Variants in PDE7B observed in about 807,000 individuals in gnomAD.
The protein encoded by PDE7B is phosphodiesterase 7B.
A neutral mutation model predicts 56.2 loss-of-function variants in PDE7B; 29 were observed. That is an observed-to-expected ratio of 0.52 (90% CI 0.38 to 0.70). The LOEUF (loss-of-function observed/expected upper bound fraction) is 0.70. Ranked by LOEUF, PDE7B falls within the 30% of genes least tolerant of loss-of-function variation. The probability of loss-of-function intolerance (pLI) is 0.00; values close to 1 mark genes in which losing one functional copy is unlikely to be tolerated. For synonymous variants in PDE7B, 197 were observed against 196.9 expected (o/e 1.00, Z 0.00); for missense variants, 490 against 565.0 (o/e 0.87, Z 1.35).
At chr6:136,098,509 C>T (rs1011301390) in intron 2 of PDE7B, among the ~76,000 whole-genome samples, 1 of 152,098 alleles carries the variant, frequency 6.6e-6, no homozygotes, top group African/African-American at 2.4e-5. Flanking sequence ...TCTTTCAATT[C>T]TAATAAGAAC....
At chr6:135,980,145 C>G (rs1375354998) in intron 2 of PDE7B, among the ~76,000 whole-genome samples, 1 of 152,128 alleles carries the variant, frequency 6.6e-6, no homozygotes, top group African/African-American at 2.4e-5. Flanking sequence ...TGCATATCTA[C>G]AACTATCTGA....
intron 12 of PDE7B, among the ~76,000 whole-genome samples, chr6:136,191,013 C>CTTTTTTTTTTTTTTTGTTTTTTTTTTTTT (rs1779213747): frequency 1.0e-5 from 1 of 99,350 alleles, no homozygotes; most frequent in African/African-American, 9.0e-5. Flanking sequence ...CCAGCATACA[C>CTTTTTTTTTTTTTTTGTTTTTTTTTTTTT]TTTTTTTTTT....
At chr6:136,186,236 C>T (rs940203320) in intron 11 of PDE7B, among the ~76,000 whole-genome samples, 7 of 151,962 alleles carry the variant, frequency 4.6e-5, no homozygotes, top group Admixed American at 2.0e-4. Flanking sequence ...GACAACATAG[C>T]GAGACCTCAT....
intron 3 of PDE7B, among the ~76,000 whole-genome samples, chr6:136,119,349 G>A (rs929350666): frequency 6.6e-6 from 1 of 151,888 alleles, no homozygotes; most frequent in Non-Finnish European, 1.5e-5. Context: ...TTTTCCTACT[G>A]GAAGCATGTA....
chr6:136,098,246 G>A (rs2128216862), intron 2 of PDE7B, among the ~76,000 whole-genome samples: 1 of 151,242 alleles, frequency 6.6e-6, no homozygotes, highest in East Asian at 2.0e-4. Context: ...AGAAGAGAGA[G>A]TAGACTACAA....
intron 1 of PDE7B, among the ~76,000 whole-genome samples, chr6:135,907,006 A>T (rs559709927): frequency 1.2e-4 from 18 of 152,054 alleles, no homozygotes; most frequent in African/African-American, 3.9e-4. Flanking sequence ...CAGCTCATGA[A>T]AATCTCTGAA....
intron 2 of PDE7B, chr6:136,034,066 C>G (rs1776286551): frequency 6.6e-6 from 1 of 152,022 alleles, no homozygotes; most frequent in South Asian, 2.1e-4. Context: ...TTTTATTAAA[C>G]TTTTTGTTTT....
chr6:136,108,752 A>T lies in PDE7B; in HGVS notation c.104A>T (p.Gln35Leu). 6.2e-7 allele frequency: 1 copy of T among 1,611,140 alleles called. No individual in the cohort carries two copies. The highest frequency in any genetic ancestry group is 8.5e-7 in the Non-Finnish European group (1 of 1,177,300). The stretch of plus-strand genomic sequence containing the variant: ...CTAGGAGATATACGACTAAGGGGTC[A>T]GACGGGGGTTCGTGCTGAACGCCGT... ...CMLGDIRLRG[Q>L]TGVRAERRGS... is the part of the protein sequence containing the mutation. The change falls in exon 3 of 13, where the codon CAG becomes CTG. Residue 35 changes from glutamine to leucine, a missense_variant. Gln to Leu is a moderately radical substitution (Grantham distance 113). Transcript: ENST00000308191.
chr6:136,158,192 G>A (rs746019669), intron 8 of PDE7B, among the ~76,000 whole-genome samples: 3 of 152,156 alleles, frequency 2.0e-5, no homozygotes, highest in Non-Finnish European at 2.9e-5. Context: ...CGTTTGCTGA[G>A]ACACAAATGG....
chr6:135,885,778 A>G lies in PDE7B; in HGVS notation c.21+33759A>G, dbSNP rs548927668. On this transcript the variant is annotated intron_variant, in intron 1 of 12. Coordinates refer to ENST00000308191, the MANE Select transcript of PDE7B (RefSeq NM_018945.4). ...ATGTGATGACTAGAAGAAAGAACCTACATACCTTGCACATTGTGATAGCAA... is the reference window on the plus strand; with the variant it reads ...ATGTGATGACTAGAAGAAAGAACCTGCATACCTTGCACATTGTGATAGCAA... Among the ~76,000 whole-genome samples the G allele has an allele frequency of 1.3e-5, 2 of 152,334 alleles. 1 individual carries two copies. Among genetic ancestry groups the G allele is most frequent in the South Asian group, 4.1e-4 (2 of 4,828 alleles).
At chr6:135,861,449 G>A (rs972087436) in intron 1 of PDE7B, among the ~76,000 whole-genome samples, 5 of 151,006 alleles carry the variant, frequency 3.3e-5, no homozygotes, top group African/African-American at 4.8e-5. Context: ...TATTGGCCAT[G>A]TAAATATCTT....
intron 2 of PDE7B, among the ~76,000 whole-genome samples, chr6:136,016,336 A>G (rs1013636680): frequency 1.6e-4 from 24 of 152,200 alleles, no homozygotes; most frequent in African/African-American, 5.6e-4. Flanking sequence ...TGGCATTTGA[A>G]TATTGTGTGT....
chr6:136,174,631 G>T (rs988941273), intron 9 of PDE7B, among the ~76,000 whole-genome samples: 3 of 152,126 alleles, frequency 2.0e-5, no homozygotes, highest in Non-Finnish European at 4.4e-5. Context: ...TACATAGATT[G>T]CTGTACCCTT....
intron 2 of PDE7B, among the ~76,000 whole-genome samples, chr6:136,021,139 C>T (rs1399107525): frequency 1.3e-5 from 2 of 152,134 alleles, no homozygotes; most frequent in African/African-American, 4.8e-5. Flanking sequence ...AATTCATAAC[C>T]AAGGACTGGC....
intron 2 of PDE7B, among the ~76,000 whole-genome samples, chr6:136,033,214 C>A (rs1776270483): frequency 6.6e-6 from 1 of 152,214 alleles, no homozygotes; most frequent in African/African-American, 2.4e-5. Flanking sequence ...TAGAGAAAAT[C>A]AAGTCTTCCT....
intron 2 of PDE7B, among the ~76,000 whole-genome samples, chr6:135,966,118 T>C (rs949860174): frequency 2.0e-5 from 3 of 152,196 alleles, no homozygotes; most frequent in African/African-American, 7.2e-5. Flanking sequence ...AATGTTCATC[T>C]AACATAGAAA....
Position 136,195,475 on chromosome 6 carries a change from AAAG to A in PDE7B, c.*3638_*3640del, listed in dbSNP as rs1247853121. On this transcript the variant is annotated 3_prime_UTR_variant, in exon 13 of 13. Transcript: ENST00000308191. ...GGTTTGAAAAAAAAAAAAAAAAAAA[AAAG>A]AACTACCTTGTGAGTTTTGCTCAAA... 4.0e-5 allele frequency: 6 copies of A among 149,266 alleles called. No individual in the cohort carries two copies. The highest frequency in any genetic ancestry group is 2.1e-4 in the South Asian group (1 of 4,728). 9.2% of individuals were successfully genotyped at this position (149,266 alleles called of 1,614,324 possible).
intron 7 of PDE7B, among the ~76,000 whole-genome samples, chr6:136,155,167 C>T (rs142551811): frequency 1.8e-3 from 280 of 152,304 alleles, no homozygotes; most frequent in African/African-American, 6.3e-3. Context: ...TCTTGCAAGT[C>T]GGCCCACTTC....
intron 1 of PDE7B, among the ~76,000 whole-genome samples, chr6:135,940,581 TAC>T (rs757027054): frequency 5.9e-5 from 9 of 152,226 alleles, no homozygotes; most frequent in Non-Finnish European, 1.0e-4. Context: ...TTTTATGCTC[TAC>T]AGACCTAAAC....
Sources: gnomAD v4.1 joint callset for allele counts (sites outside exome capture counted in the v4.1 genomes callset) on GRCh38, gnomAD v4.1.1 for gene constraint, MANE v1.5 for transcripts, NCBI Gene and HGNC (gene_info 2026-07-23, HGNC 2026-07-21) for gene names.